The following CCDC7 variants were observed in gnomAD, a reference collection of about 807,000 sequenced individuals.
CCDC7 encodes coiled-coil domain containing 7.
CCDC7 carries 183 observed loss-of-function variants against 196.9 expected under a neutral mutation model. The ratio of observed to expected loss-of-function variants is 0.93; its 90% CI spans 0.82 to 1.05. The LOEUF (loss-of-function observed/expected upper bound fraction) is 1.05. Ranked by LOEUF, CCDC7 falls within the 50% of genes least tolerant of loss-of-function variation. The pLI is 0.00. For missense variants in CCDC7, 1,540 were observed against 1,482.2 expected, an observed-to-expected ratio of 1.04 and a Z score of -0.64; for synonymous variants, 525 against 484.6, an observed-to-expected ratio of 1.08 and a Z score of -1.10.
chr10:32,726,504 T>C, intron 25 of CCDC7, among the ~76,000 whole-genome samples: 1 of 152,072 alleles, frequency 6.6e-6, no homozygotes, highest in Non-Finnish European at 1.5e-5. Context: ...ATATATTTGA[T>C]GCCTTAGAAT....
At chr10:32,765,714 A>G (rs1379867014) in intron 28 of CCDC7, among the ~76,000 whole-genome samples, 1 of 152,066 alleles carries the variant, frequency 6.6e-6, no homozygotes, top group East Asian at 1.9e-4. Flanking sequence ...TGTCCTGTTC[A>G]GAAAACAGGT....
At chr10:32,636,061 G>A (rs1054306404) in intron 20 of CCDC7, among the ~76,000 whole-genome samples, 4 of 152,068 alleles carry the variant, frequency 2.6e-5, no homozygotes, top group African/African-American at 9.6e-5. Flanking sequence ...CTAAAAAGTA[G>A]CATAAAGCTT....
chr10:32,721,913 C>T (rs1219049031), intron 25 of CCDC7, among the ~76,000 whole-genome samples: 1 of 152,076 alleles, frequency 6.6e-6, no homozygotes, highest in Non-Finnish European at 1.5e-5. Context: ...TTGTCTTGGG[C>T]AGTAGCCTCT....
At chr10:32,511,591 A>G (rs1309017935) in intron 9 of CCDC7, 3 of 1,603,776 alleles carry the variant, frequency 1.9e-6, no homozygotes, top group Non-Finnish European at 2.6e-6. Flanking sequence ...TTGCTTGTTC[A>G]AGTGGATCCA....
chr10:32,640,985 A>G (rs1195517159), intron 20 of CCDC7, among the ~76,000 whole-genome samples: 1 of 149,384 alleles, frequency 6.7e-6, no homozygotes, highest in Non-Finnish European at 1.5e-5. Flanking sequence ...CTAATGTGTC[A>G]TCTAGCATTA....
intron 33 of CCDC7, among the ~76,000 whole-genome samples, chr10:32,835,555 C>G (rs2092535874): frequency 6.6e-6 from 1 of 152,024 alleles, no homozygotes; most frequent in African/African-American, 2.4e-5. Flanking sequence ...GAGCTGGAGG[C>G]TATTATCCTT....
chr10:32,815,244 A>C (rs2088157387), intron 31 of CCDC7, among the ~76,000 whole-genome samples: 1 of 152,156 alleles, frequency 6.6e-6, no homozygotes, highest in African/African-American at 2.4e-5. Flanking sequence ...GGCAAGGAAA[A>C]CTGCTTGTGA....
chr10:32,545,327 G>A (rs2052239496), intron 13 of CCDC7, among the ~76,000 whole-genome samples: 1 of 152,172 alleles, frequency 6.6e-6, no homozygotes. Context: ...TTAGAGTACT[G>A]TACAATCTTA....
intron 18 of CCDC7, among the ~76,000 whole-genome samples, chr10:32,613,687 G>T (rs117151053): frequency 0.039 from 5,904 of 152,248 alleles, 122 homozygotes; most frequent in Middle Eastern, 0.051. Context: ...AGTCATACAA[G>T]AGCAGGTTGT....
chr10:32,821,842 G>A (rs942280910), intron 31 of CCDC7, among the ~76,000 whole-genome samples: 4 of 152,116 alleles, frequency 2.6e-5, no homozygotes, highest in African/African-American at 9.7e-5. Flanking sequence ...GATAGCATTA[G>A]GAGATATACC....
chr10:32,507,980 C>A (rs1286092376), intron 9 of CCDC7, among the ~76,000 whole-genome samples: 2 of 152,196 alleles, frequency 1.3e-5, no homozygotes, highest in East Asian at 1.9e-4. Context: ...GATGCCTACT[C>A]TTACCAATTC....
chr10:32,658,049 C>T (rs555990230), intron 20 of CCDC7, among the ~76,000 whole-genome samples: 1 of 152,304 alleles, frequency 6.6e-6, no homozygotes, highest in East Asian at 1.9e-4. Context: ...ACTTCATTGT[C>T]CATATCACTA....
intron 20 of CCDC7, among the ~76,000 whole-genome samples, chr10:32,642,337 G>A (rs1449315426): frequency 6.6e-6 from 1 of 152,206 alleles, no homozygotes; most frequent in Non-Finnish European, 1.5e-5. Context: ...ACCTACTCAA[G>A]CCTTGGCAAT....
At chr10:32,514,098 A>G (rs1198605006) in intron 9 of CCDC7, 1 of 152,244 alleles carries the variant, frequency 6.6e-6, no homozygotes, top group South Asian at 2.1e-4. Flanking sequence ...AGTTCTGCTA[A>G]AACCTATTGG....
intron 20 of CCDC7, among the ~76,000 whole-genome samples, chr10:32,642,753 C>T (rs1441959154): frequency 6.6e-6 from 1 of 152,214 alleles, no homozygotes; most frequent in African/African-American, 2.4e-5. Context: ...GTCACTCACA[C>T]TGGGATCTGT....
intron 24 of CCDC7, among the ~76,000 whole-genome samples, chr10:32,697,289 T>C (rs564026551): frequency 6.6e-6 from 1 of 152,272 alleles, no homozygotes; most frequent in East Asian, 1.9e-4. Context: ...ATTTCTGCAT[T>C]TCCAACTGAG....
intron 21 of CCDC7, among the ~76,000 whole-genome samples, chr10:32,669,328 A>G (rs1253677856): frequency 2.0e-5 from 3 of 152,108 alleles, no homozygotes; most frequent in African/African-American, 7.2e-5. Context: ...CATGATCATC[A>G]GAGATATTGG....
upstream of CCDC7, among the ~76,000 whole-genome samples, chr10:32,444,056 T>C (rs1413870141): frequency 6.6e-6 from 1 of 152,240 alleles, no homozygotes; most frequent in Admixed American, 6.5e-5. Context: ...CTTTATTTCT[T>C]TCATTGAAAT....
At chr10:32,505,352 G>A (rs2044738463) in intron 9 of CCDC7, among the ~76,000 whole-genome samples, 1 of 151,888 alleles carries the variant, frequency 6.6e-6, no homozygotes, top group Admixed American at 6.5e-5. Flanking sequence ...AGTGTCCCTG[G>A]GTACTTGAGA....
Sources: allele counts gnomAD v4.1 joint callset (sites outside exome capture counted in the v4.1 genomes callset), GRCh38; gene constraint gnomAD v4.1.1; transcripts MANE v1.5; gene names NCBI Gene and HGNC (gene_info 2026-07-23, HGNC 2026-07-21).